SLC1A7: variants seen among roughly 807,000 people sequenced by gnomAD.
SLC1A7 encodes the protein excitatory amino acid transporter 5.
SLC1A7 carries 40 observed loss-of-function variants against 47.7 expected under a neutral mutation model. That is an observed-to-expected ratio of 0.84 (90% CI 0.65 to 1.09). SLC1A7 has a LOEUF of 1.09. Ranked by LOEUF, SLC1A7 falls within the 50% of genes least tolerant of loss-of-function variation. SLC1A7 has a pLI of 0.00. For synonymous variants in SLC1A7, 323 were observed against 325.6 expected, an observed-to-expected ratio of 0.99 and a Z score of 0.09; for missense variants, 746 against 769.5, an observed-to-expected ratio of 0.97 and a Z score of 0.36.
intron 3 of SLC1A7, among the ~76,000 whole-genome samples, chr1:53,111,434 G>C (rs1444679530): frequency 6.6e-6 from 1 of 152,188 alleles, no homozygotes; most frequent in Non-Finnish European, 1.5e-5. Context: ...TTTTGAAAAG[G>C]ATGCCTCTGG....
At position 53,090,694 on chromosome 1, in the gene SLC1A7, C is replaced by T; in HGVS notation, c.1144G>A (p.Ala382Thr). The change falls in exon 8 of 11, where the codon GCG becomes ACG. Residue 382 changes from alanine (A) to threonine (T), a missense_variant. Physicochemically the swap from Ala to Thr is moderately conservative, Grantham distance 58. Transcript: ENST00000371494. ...ATGGCGGCCACAGCCTCGTAGAGCG[C>T]AGTGCCGTCCATGTTGATGGTGGCA... is the stretch of plus-strand genomic sequence containing the variant. The part of the protein sequence containing the change: ...VGATINMDGT[A>T]LYEAVAAIFI... The T allele has an allele frequency of 6.2e-7, 1 of 1,614,064 alleles. No homozygotes were observed. The highest frequency in any genetic ancestry group is 1.1e-5 in the South Asian group (1 of 91,058).
intron 2 of SLC1A7, 181 bp from the exon 3 acceptor site, chr1:53,115,154 C>T (rs1193883877): frequency 1.3e-5 from 8 of 617,394 alleles, no homozygotes; most frequent in Non-Finnish European, 2.3e-5. Flanking sequence ...CCCTCTCCCC[C>T]ACGCCCCGGG....
intron 5 of SLC1A7, among the ~76,000 whole-genome samples, chr1:53,097,106 TCA>T (rs1644503760): frequency 6.8e-6 from 1 of 146,820 alleles, no homozygotes; most frequent in African/African-American, 2.6e-5. Context: ...CTCGGCACAC[TCA>T]CAGAACCCGC....
At chr1:53,119,716 C>A (rs528358553) in intron 2 of SLC1A7, among the ~76,000 whole-genome samples, 2 of 152,138 alleles carry the variant, frequency 1.3e-5, no homozygotes, top group Non-Finnish European at 2.9e-5. Context: ...GAGTTCACAG[C>A]CTGCCCTTGG....
intron 1 of SLC1A7, among the ~76,000 whole-genome samples, chr1:53,139,622 TG>T (rs1178523508): frequency 5.9e-5 from 9 of 152,356 alleles, no homozygotes; most frequent in Non-Finnish European, 1.0e-4. Context: ...TGCAGCATCT[TG>T]CTCTGTTACG....
rs775629757 is a variant in SLC1A7 at position 53,102,001 on chromosome 1, C to T, written c.697+1345G>A. Among the ~76,000 whole-genome samples the T allele has an allele frequency of 2.0e-4, 30 of 152,352 alleles. 1 individual carries two copies. In the South Asian group the frequency reaches 4.6e-3, roughly 23 times the overall value. Reference sequence around the variant, plus strand: ...ACAGATGCACGGACAGTTACACATGCGCAGCGAACGCTCAGCGAGTTGAGT... The same window carrying T: ...ACAGATGCACGGACAGTTACACATGTGCAGCGAACGCTCAGCGAGTTGAGT... On this transcript the variant is annotated intron_variant, in intron 5 of 10. Coordinates refer to ENST00000371494, the MANE Select transcript of SLC1A7 (RefSeq NM_006671.6).
Position 53,142,443 on chromosome 1 carries a change from G to T in SLC1A7, c.7C>A (p.Pro3Thr). The T allele has an allele frequency of 1.2e-6, 2 of 1,613,340 alleles. No individual in the cohort carries two copies. The highest frequency in any genetic ancestry group is 1.7e-6 in the Non-Finnish European group (2 of 1,179,778). Residue 3 changes from proline (P) to threonine (T), a missense_variant, in exon 1 of 11, where the codon CCG becomes ACG. Physicochemically the swap from Pro to Thr is conservative, Grantham distance 38 (BLOSUM62 -1). Transcript: ENST00000371494. Reference protein sequence around the residue: MVPHAILARGRDV... With the variant: MVTHAILARGRDV... ...CTCCCCCGTGCCAAGATGGCATGCG[G>T]CACCATGGTGAGCCTGGCCTGCTGG... is the stretch of plus-strand genomic sequence containing the variant.
intron 10 of SLC1A7, among the ~76,000 whole-genome samples, chr1:53,088,624 G>T (rs976957957): frequency 3.9e-5 from 6 of 152,206 alleles, no homozygotes; most frequent in African/African-American, 1.4e-4. Context: ...ATCCCGACAC[G>T]AGGGCGGGGA....
At chr1:53,098,193 A>G (rs1485391093) in intron 5 of SLC1A7, among the ~76,000 whole-genome samples, 1 of 146,524 alleles carries the variant, frequency 6.8e-6, no homozygotes, top group Non-Finnish European at 1.5e-5. Context: ...GCACTGCCTC[A>G]ATACACAAAC....
chr1:53,136,674 T>A lies in SLC1A7; in HGVS notation c.136-2245A>T, dbSNP rs1314524362. Among the ~76,000 whole-genome samples, 710 of 137,988 alleles carry A rather than the reference T, an allele frequency of 5.1e-3. 18 individuals are homozygous for A. The highest frequency in any genetic ancestry group is 0.018 in the African/African-American group (661 of 36,482). The allele number at this position is 137,988 out of a possible 152,430, so 90.5% of individuals were successfully genotyped here. ...ATATTATATATATATATATTTTTTT[T>A]TTTTTTTTTTGAGACAAGGTCTCAT... On this transcript the variant is annotated intron_variant, in intron 1 of 10. Transcript: ENST00000371494.
At chr1:53,118,827 A>G (rs897483218) in intron 2 of SLC1A7, among the ~76,000 whole-genome samples, 2 of 152,070 alleles carry the variant, frequency 1.3e-5, no homozygotes, top group Non-Finnish European at 2.9e-5. Context: ...GTGAAGCCCC[A>G]TCTCTACTAA....
At chr1:53,132,031 G>A (rs11206106) in intron 2 of SLC1A7, among the ~76,000 whole-genome samples, 33,915 of 152,102 alleles carry the variant, frequency 0.22, 4,032 homozygotes, top group South Asian at 0.48. Context: ...GGAACAGCAC[G>A]TGTGGAGGCC....
intron 3 of SLC1A7, among the ~76,000 whole-genome samples, chr1:53,106,336 G>C (rs1465693034): frequency 6.6e-6 from 1 of 151,840 alleles, no homozygotes; most frequent in Non-Finnish European, 1.5e-5. Context: ...TTTCCTACTA[G>C]ATAAAAAACG....
At position 53,133,886 on chromosome 1, in the gene SLC1A7, A is replaced by C. The variant is rs372680711; in HGVS notation, c.215+464T>G. Reference sequence around the variant, plus strand: ...TATAGTCTTCATGACAACCCTTCGAAGTAGGTGTTGTTATTCCCATTTTAC... The same window carrying C: ...TATAGTCTTCATGACAACCCTTCGACGTAGGTGTTGTTATTCCCATTTTAC... On this transcript the variant is annotated intron_variant, in intron 2 of 10. Transcript: ENST00000371494. Among the ~76,000 whole-genome samples, 75 of 152,284 alleles carry C rather than the reference A, an allele frequency of 4.9e-4. 1 individual carries two copies. Among genetic ancestry groups the C allele is most frequent in the African/African-American group, 1.8e-3 (74 of 41,548 alleles).
chr1:53,108,523 G>T (rs1644669024), intron 3 of SLC1A7: 1 of 714,948 alleles, frequency 1.4e-6, no homozygotes, highest in Admixed American at 2.0e-5. Flanking sequence ...TAATGGGGTG[G>T]CCATCGAGAG....
chr1:53,098,346 TCACA>T, intron 5 of SLC1A7, among the ~76,000 whole-genome samples: 1 of 141,132 alleles, frequency 7.1e-6, no homozygotes, highest in Non-Finnish European at 1.5e-5. Context: ...CTTGCTACAC[TCACA>T]CACCCCACCT....
intron 2 of SLC1A7, chr1:53,118,330 C>A (rs1644784410): frequency 6.6e-6 from 1 of 152,242 alleles, no homozygotes; most frequent in African/African-American, 2.4e-5. Context: ...TAATTATTAT[C>A]TTTGGGTGTT....
rs918569254 is a variant in SLC1A7 at position 53,117,967 on chromosome 1, G to A, written c.216-2994C>T. On this transcript the variant is annotated intron_variant, in intron 2 of 10. Transcript: ENST00000371494. ...GCCTCCCTCCCTTCCCACAAATGGCGGAAGGGAGAGGTGAGCAGCCGCGGG... is the reference window on the plus strand; with the variant it reads ...GCCTCCCTCCCTTCCCACAAATGGCAGAAGGGAGAGGTGAGCAGCCGCGGG... Among the ~76,000 whole-genome samples, 11 of 152,266 alleles carry A rather than the reference G, an allele frequency of 7.2e-5. 1 individual carries two copies. Among genetic ancestry groups the A allele is most frequent in the African/African-American group, 1.2e-4 (5 of 41,468 alleles).
chr1:53,118,819 G>A lies in SLC1A7; in HGVS notation c.216-3846C>T, dbSNP rs1382654019. ...TCGAGACCAGCCTGACCAACACGGT[G>A]AAGCCCCATCTCTACTAAAAATACA... On this transcript the variant is annotated intron_variant, in intron 2 of 10. Coordinates refer to ENST00000371494, the MANE Select transcript of SLC1A7 (RefSeq NM_006671.6). Among the ~76,000 whole-genome samples the A allele has an allele frequency of 2.6e-5, 4 of 152,104 alleles. 1 individual carries two copies. The highest frequency in any genetic ancestry group is 5.9e-5 in the Non-Finnish European group (4 of 68,028).
Sources: gnomAD v4.1 joint callset for allele counts (sites outside exome capture counted in the v4.1 genomes callset) on GRCh38, gnomAD v4.1.1 for gene constraint, MANE v1.5 for transcripts, NCBI Gene and HGNC (gene_info 2026-07-23, HGNC 2026-07-21) for gene names.